GPR158: variants seen among roughly 807,000 people sequenced by gnomAD.
GPR158 encodes the protein G protein-coupled receptor 158, also known as metabotropic glycine receptor.
Under a neutral mutation model 78.2 loss-of-function variants are expected in GPR158, and 30 were observed. The observed-to-expected ratio is 0.38, with a 90% CI of 0.29 to 0.52. The LOEUF (loss-of-function observed/expected upper bound fraction) is 0.52, where lower values mean the gene tolerates loss of function less well. Ranked by LOEUF, GPR158 falls within the 20% of genes least tolerant of loss-of-function variation. The pLI is 0.83. For missense variants in GPR158, 1,463 were observed against 1,523.5 expected, an observed-to-expected ratio of 0.96 and a Z score of 0.66; for synonymous variants, 581 against 591.1, an observed-to-expected ratio of 0.98 and a Z score of 0.25.
intron 2 of GPR158, among the ~76,000 whole-genome samples, chr10:25,295,109 T>A (rs1201590983): frequency 6.6e-6 from 1 of 152,212 alleles, no homozygotes; most frequent in East Asian, 1.9e-4. Flanking sequence ...GACCTCCCTG[T>A]CTTACCCACA....
intron 2 of GPR158, among the ~76,000 whole-genome samples, chr10:25,363,427 T>C (rs769100536): frequency 1.1e-4 from 16 of 151,906 alleles, no homozygotes; most frequent in South Asian, 2.1e-4. Context: ...CTAAGATGAA[T>C]TGTTACTGAC....
chr10:25,345,056 C>T (rs150909863), intron 2 of GPR158, among the ~76,000 whole-genome samples: 26 of 152,080 alleles, frequency 1.7e-4, no homozygotes, highest in African/African-American at 5.8e-4. Context: ...CCTTGGGGGC[C>T]AGAATCTCAA....
In GPR158 at chr10:25,587,699, A is replaced by G. The variant is rs201627608; in HGVS notation, c.1754-1308A>G. ...ATAAGACAGACCTACACTAGATCTC[A>G]TGGAGAGTTTGGAGTGACATTAATT... On this transcript the variant is annotated intron_variant, in intron 7 of 10. Coordinates refer to ENST00000376351, the MANE Select transcript of GPR158 (RefSeq NM_020752.3). Among the ~76,000 whole-genome samples the G allele has an allele frequency of 1.4e-4, 21 of 152,188 alleles. No individual in the cohort carries two copies. The East Asian group carries it at 3.9e-3, about 28-fold the overall frequency.
chr10:25,446,688 A>G (rs2130595869), intron 4 of GPR158, among the ~76,000 whole-genome samples: 1 of 152,346 alleles, frequency 6.6e-6, no homozygotes. Context: ...GCTCAAATCA[A>G]GTTCTAACCT....
At chr10:25,499,907 G>A (rs760544577) in intron 5 of GPR158, among the ~76,000 whole-genome samples, 2 of 152,164 alleles carry the variant, frequency 1.3e-5, no homozygotes, top group Non-Finnish European at 2.9e-5. Flanking sequence ...AGAGGCAGAC[G>A]GGCTAACTTA....
chr10:25,207,249 C>T (rs369359531), intron 1 of GPR158, among the ~76,000 whole-genome samples: 2 of 152,060 alleles, frequency 1.3e-5, no homozygotes, highest in African/African-American at 4.8e-5. Context: ...AAGCTCAGGG[C>T]CCATGGCAGA....
intron 2 of GPR158, among the ~76,000 whole-genome samples, chr10:25,348,167 A>T (rs1358869805): frequency 6.6e-6 from 1 of 151,794 alleles, no homozygotes; most frequent in Admixed American, 6.6e-5. Context: ...CAGAATTGTG[A>T]TGTATGATCG....
chr10:25,502,286 C>T (rs967414311), intron 5 of GPR158, among the ~76,000 whole-genome samples: 3 of 152,140 alleles, frequency 2.0e-5, no homozygotes, highest in Admixed American at 6.5e-5. Context: ...CACCATCAAC[C>T]ACCCTCCCTA....
chr10:25,261,778 C>G (rs918345404), intron 2 of GPR158, among the ~76,000 whole-genome samples: 10 of 152,066 alleles, frequency 6.6e-5, no homozygotes, highest in African/African-American at 2.4e-4. Flanking sequence ...TGGCCCTTTT[C>G]CCTTTGGAGC....
At chr10:25,454,423 C>T (rs4545439) in intron 4 of GPR158, among the ~76,000 whole-genome samples, 22,534 of 151,894 alleles carry the variant, frequency 0.15, 1,867 homozygotes, top group South Asian at 0.22. Context: ...CAGATTAAGG[C>T]GTGGAAGAAA....
intron 7 of GPR158, among the ~76,000 whole-genome samples, chr10:25,580,495 A>G (rs1020587974): frequency 2.6e-5 from 4 of 152,206 alleles, no homozygotes; most frequent in Admixed American, 1.3e-4. Context: ...TAAAATAGCA[A>G]TTGTTTTTAA....
intron 2 of GPR158, among the ~76,000 whole-genome samples, chr10:25,285,088 G>GTGTGTA (rs149323477): frequency 1.3e-5 from 2 of 151,870 alleles, no homozygotes; most frequent in Middle Eastern, 3.4e-3. Flanking sequence ...GTGTGTGTGT[G>GTGTGTA]TGTATGCATG....
Position 25,598,120 on chromosome 10 carries a change from A to T in GPR158, c.2494A>T (p.Ser832Cys). ...CGTGAGAGACCAAACGGAAGAGTCC[A>T]GTAGCCTACCCACAGAAAGCCAAGA... ...DHVRDQTEES[S>C]SLPTESQEEE... is the part of the protein sequence containing the mutation. Residue 832 changes from serine (S) to cysteine (C), a missense_variant, in exon 11 of 11, where the codon AGT becomes TGT. Transcript: ENST00000376351. 1 of 1,614,140 alleles carries T rather than the reference A, an allele frequency of 6.2e-7. No individual in the cohort carries two copies. The highest frequency in any genetic ancestry group is 8.5e-7 in the Non-Finnish European group (1 of 1,180,024).
intron 2 of GPR158, among the ~76,000 whole-genome samples, chr10:25,338,398 T>A (rs903620446): frequency 1.5e-5 from 2 of 135,230 alleles, no homozygotes; most frequent in Non-Finnish European, 3.0e-5. Context: ...TCTATATATA[T>A]TATTATATAT....
intron 2 of GPR158, among the ~76,000 whole-genome samples, chr10:25,332,901 T>G (rs559839111): frequency 5.3e-5 from 8 of 152,322 alleles, no homozygotes; most frequent in Admixed American, 5.2e-4. Flanking sequence ...TCCCCCAGCA[T>G]TGGCATCTGA....
intron 1 of GPR158, among the ~76,000 whole-genome samples, chr10:25,197,286 C>G (rs1382090792): frequency 6.6e-6 from 1 of 152,132 alleles, no homozygotes; most frequent in African/African-American, 2.4e-5. Context: ...TCCCAAATTT[C>G]TTACTATTAT....
At chr10:25,434,423 C>T (rs1834969116) in intron 4 of GPR158, among the ~76,000 whole-genome samples, 1 of 152,022 alleles carries the variant, frequency 6.6e-6, no homozygotes, top group South Asian at 2.1e-4. Context: ...ATAAATATAC[C>T]AAATTGCTTG....
At chr10:25,454,660 C>T (rs981417072) in intron 4 of GPR158, among the ~76,000 whole-genome samples, 7 of 152,146 alleles carry the variant, frequency 4.6e-5, no homozygotes, top group African/African-American at 1.7e-4. Flanking sequence ...TCTGCCTCCA[C>T]CCACCCTGTC....
At chr10:25,457,203 C>G (rs1310446783) in intron 4 of GPR158, among the ~76,000 whole-genome samples, 1 of 132,778 alleles carries the variant, frequency 7.5e-6, no homozygotes, top group Admixed American at 8.7e-5. Context: ...CCATGTTTGC[C>G]AGGCTGGTCT....
Sources: gnomAD v4.1 joint callset for allele counts (sites outside exome capture counted in the v4.1 genomes callset) on GRCh38, gnomAD v4.1.1 for gene constraint, MANE v1.5 for transcripts, NCBI Gene and HGNC (gene_info 2026-07-23, HGNC 2026-07-21) for gene names.